Variants in MAP2K5 observed in about 807,000 individuals in gnomAD.
MAP2K5 encodes mitogen-activated protein kinase kinase 5.
MAP2K5 carries 49 observed loss-of-function variants against 83.1 expected under a neutral mutation model. That is an observed-to-expected ratio of 0.59 (90% CI 0.47 to 0.75). The LOEUF is 0.75. Ranked by LOEUF, MAP2K5 falls within the 30% of genes least tolerant of loss-of-function variation. The probability of loss-of-function intolerance (pLI) is 0.00; values close to 1 mark genes in which losing one functional copy is unlikely to be tolerated. For missense variants in MAP2K5, 457 were observed against 557.5 expected (o/e 0.82, Z 1.82); for synonymous variants, 202 against 191.8 (o/e 1.05, Z -0.44).
Position 67,749,682 on chromosome 15 carries a change from C to T in MAP2K5, c.1134+1081C>T, listed in dbSNP as rs546125505. 7.7e-4 allele frequency among the ~76,000 whole-genome samples: 117 copies of T among 152,288 alleles called. No individual in the cohort carries two copies. Among genetic ancestry groups the T allele is most frequent in the Non-Finnish European group, 1.3e-3 (90 of 68,024 alleles). On this transcript the variant is annotated intron_variant, in intron 19 of 21. Coordinates refer to ENST00000178640, the MANE Select transcript of MAP2K5 (RefSeq NM_145160.3). This position sits in a 1 kb window ranked among gnomAD's most constrained non-coding sequence, Gnocchi z 4.6. ...CATATATCCCCTGCAAGCCATAATCCATGTTGATGTAAAAATGAAGGCATC... is the reference window on the plus strand; with the variant it reads ...CATATATCCCCTGCAAGCCATAATCTATGTTGATGTAAAAATGAAGGCATC...
At chr15:67,788,642 C>T (rs2090459995) in intron 21 of MAP2K5, among the ~76,000 whole-genome samples, 1 of 152,046 alleles carries the variant, frequency 6.6e-6, no homozygotes, top group African/African-American at 2.4e-5. Flanking sequence ...TTATTCCTGC[C>T]ATCATCCATA....
chr15:67,752,789 C>T (rs2089751418), intron 19 of MAP2K5, among the ~76,000 whole-genome samples: 1 of 151,030 alleles, frequency 6.6e-6, no homozygotes, highest in Non-Finnish European at 1.5e-5. Context: ...TCTACAGATT[C>T]AATGTAATCA....
intron 13 of MAP2K5, among the ~76,000 whole-genome samples, chr15:67,670,744 T>C (rs547995184): frequency 6.6e-6 from 1 of 150,740 alleles, no homozygotes; most frequent in East Asian, 1.9e-4. Flanking sequence ...AAACCAACCC[T>C]TGTGATTTAA....
intron 8 of MAP2K5, chr15:67,628,038 C>A: frequency 1.4e-6 from 1 of 728,630 alleles, no homozygotes; most frequent in Non-Finnish European, 2.5e-6. Flanking sequence ...CACATATGCC[C>A]CTGTGGAGGC....
intron 15 of MAP2K5, among the ~76,000 whole-genome samples, chr15:67,700,867 A>G (rs1256704486): frequency 1.3e-5 from 2 of 151,642 alleles, no homozygotes; most frequent in African/African-American, 4.8e-5. Flanking sequence ...CTGACCCTTA[A>G]AAGAGTTCTC....
intron 8 of MAP2K5, among the ~76,000 whole-genome samples, chr15:67,617,044 G>A (rs1289256315): frequency 1.3e-5 from 2 of 152,160 alleles, no homozygotes; most frequent in African/African-American, 4.8e-5. Context: ...TATCATTTCA[G>A]TGTCCCTGTG....
chr15:67,759,441 T>TC (rs1283416667), intron 19 of MAP2K5, among the ~76,000 whole-genome samples: 1 of 151,438 alleles, frequency 6.6e-6, no homozygotes, highest in Non-Finnish European at 1.5e-5. Context: ...GTGCCTGTAG[T>TC]CCCAGCTACT....
chr15:67,718,472 T>A (rs533152007), intron 16 of MAP2K5, among the ~76,000 whole-genome samples: 6 of 152,064 alleles, frequency 3.9e-5, no homozygotes, highest in African/African-American at 9.7e-5. Flanking sequence ...TTTTAAAAAA[T>A]TTTTATGGGG....
chr15:67,557,023 T>TA (rs372606956), intron 2 of MAP2K5, among the ~76,000 whole-genome samples: 4 of 152,220 alleles, frequency 2.6e-5, no homozygotes, highest in African/African-American at 7.2e-5. Flanking sequence ...TCCATAACCA[T>TA]AAAAAATCCT....
intron 16 of MAP2K5, among the ~76,000 whole-genome samples, chr15:67,706,603 A>G (rs552958414): frequency 6.6e-6 from 1 of 152,268 alleles, no homozygotes; most frequent in Non-Finnish European, 1.5e-5. Context: ...GAATCAGATT[A>G]TGATCATCAG....
rs199568508 is a variant in MAP2K5, at chr15:67,761,749, A to AT, written c.1135-7845dup. Among the ~76,000 whole-genome samples, 1,327 of 151,924 alleles carry AT rather than the reference A, an allele frequency of 8.7e-3. 20 individuals carry two copies. The highest frequency in any genetic ancestry group is 0.031 in the African/African-American group (1,270 of 41,418). On this transcript the variant is annotated intron_variant, in intron 19 of 21. Transcript: ENST00000178640. ...TAACTCTTTATCTATGAAAAGATCA[A>AT]TTTTTTTTCATTTAGGCACCTATTA...
chr15:67,560,738 C>T (rs1034188244), intron 2 of MAP2K5, among the ~76,000 whole-genome samples: 7 of 152,212 alleles, frequency 4.6e-5, no homozygotes, highest in African/African-American at 1.7e-4. Context: ...ACTTCTTTCA[C>T]AGATCTTTTT....
chr15:67,652,242 TATG>T lies in MAP2K5; in HGVS notation c.736+5776_736+5778del, dbSNP rs2086970624. 6.6e-6 allele frequency among the ~76,000 whole-genome samples: 1 copy of T among 152,214 alleles called. No homozygotes were observed. Among genetic ancestry groups the T allele is most frequent in the South Asian group, 2.1e-4 (1 of 4,834 alleles). The stretch of plus-strand genomic sequence containing the variant: ...TCATTAGTGCGTGTTTTTTTTAAAT[TATG>T]ATATAATACTCATACAAAAATTTTA... On this transcript the variant is annotated intron_variant, in intron 11 of 21. Transcript: ENST00000178640. This position sits in a 1 kb window ranked among gnomAD's most constrained non-coding sequence, Gnocchi z 4.2.
chr15:67,761,990 T>A (rs1239697184), intron 19 of MAP2K5, among the ~76,000 whole-genome samples: 1 of 152,192 alleles, frequency 6.6e-6, no homozygotes, highest in Non-Finnish European at 1.5e-5. Flanking sequence ...AAACACTGTA[T>A]AGGAACAAGG....
chr15:67,763,285 A>C (rs2089983957), intron 19 of MAP2K5, among the ~76,000 whole-genome samples: 1 of 152,086 alleles, frequency 6.6e-6, no homozygotes, highest in Admixed American at 6.6e-5. Flanking sequence ...TCCTTCATGG[A>C]GTGGCCACAT....
At chr15:67,686,651 G>A (rs2087964201) in intron 13 of MAP2K5, among the ~76,000 whole-genome samples, 1 of 150,202 alleles carries the variant, frequency 6.7e-6, no homozygotes, top group South Asian at 2.1e-4. Context: ...ATAACATGTT[G>A]TAGGGTTTAT....
chr15:67,674,721 C>G (rs902470627), intron 13 of MAP2K5, among the ~76,000 whole-genome samples: 7 of 151,866 alleles, frequency 4.6e-5, no homozygotes, highest in Non-Finnish European at 1.0e-4. Context: ...AGAATATGTG[C>G]CTAGAATATA....
intron 8 of MAP2K5, among the ~76,000 whole-genome samples, chr15:67,602,240 A>G (rs2085674940): frequency 6.6e-6 from 1 of 152,198 alleles, no homozygotes; most frequent in African/African-American, 2.4e-5. Flanking sequence ...AAGGTACTTA[A>G]GTTCAGGTAC....
At chr15:67,647,609 G>A (rs1835248477) in intron 11 of MAP2K5, among the ~76,000 whole-genome samples, 2 of 151,740 alleles carry the variant, frequency 1.3e-5, no homozygotes, top group Admixed American at 1.3e-4. Context: ...AATATGGCCG[G>A]GCACGGTGGC....
Sources: allele counts gnomAD v4.1 joint callset (sites outside exome capture counted in the v4.1 genomes callset), GRCh38; gene constraint gnomAD v4.1.1; non-coding constraint Gnocchi (gnomAD v3.1); transcripts MANE v1.5; gene names NCBI Gene and HGNC (gene_info 2026-07-23, HGNC 2026-07-21).